NRXN1: variants seen among roughly 807,000 people sequenced by gnomAD.
NRXN1 encodes neurexin-1.
In NRXN1, 39 loss-of-function variants were observed where a neutral mutation model predicts 150.9. The ratio of observed to expected loss-of-function variants is 0.26; its 90% confidence interval spans 0.20 to 0.34. NRXN1 has a LOEUF of 0.34. Among genes scored for constraint, NRXN1 ranks in the 10% least tolerant of loss-of-function variants. The pLI is 1.00. For missense variants in NRXN1, 1,815 were observed against 1,949.9 expected, an observed-to-expected ratio of 0.93 and a Z score of 1.30; for synonymous variants, 924 against 757.0, an observed-to-expected ratio of 1.22 and a Z score of -3.62.
chr2:50,742,395 G>A (rs769700270), intron 5 of NRXN1, among the ~76,000 whole-genome samples: 5 of 151,746 alleles, frequency 3.3e-5, no homozygotes, highest in African/African-American at 4.8e-5. Context: ...GGAGGCCGAG[G>A]CAGGTGGATC....
chr2:50,106,988 T>C (rs1382239403), intron 18 of NRXN1, among the ~76,000 whole-genome samples: 1 of 151,992 alleles, frequency 6.6e-6, no homozygotes, highest in East Asian at 1.9e-4. Flanking sequence ...TTATGGAAGA[T>C]ATACGGTTAA....
At chr2:50,807,107 A>G (rs1282740249) in intron 5 of NRXN1, among the ~76,000 whole-genome samples, 1 of 151,998 alleles carries the variant, frequency 6.6e-6, no homozygotes, top group Non-Finnish European at 1.5e-5. Flanking sequence ...TGGATTAAAC[A>G]TCAAAACCTC....
At chr2:50,119,512 T>C (rs899948914) in intron 18 of NRXN1, among the ~76,000 whole-genome samples, 1 of 150,640 alleles carries the variant, frequency 6.6e-6, no homozygotes, top group Non-Finnish European at 1.5e-5. Flanking sequence ...ATTAGGGAGA[T>C]GCAAAACCTT....
chr2:50,279,143 A>T (rs965105549), intron 17 of NRXN1, among the ~76,000 whole-genome samples: 2 of 152,154 alleles, frequency 1.3e-5, no homozygotes, highest in Non-Finnish European at 2.9e-5. Context: ...CAAAATACAA[A>T]TAATGGTGTT....
At chr2:50,053,223 C>G (rs770704075) in intron 21 of NRXN1, 48 bp downstream of exon 21, 1 of 1,595,224 alleles carries the variant, frequency 6.3e-7, no homozygotes, top group Non-Finnish European at 8.6e-7. Flanking sequence ...AGCCCACTAT[C>G]ATAAATAATA....
intron 18 of NRXN1, among the ~76,000 whole-genome samples, chr2:50,226,995 G>A (rs980604156): frequency 6.6e-6 from 1 of 152,038 alleles, no homozygotes; most frequent in East Asian, 2.0e-4. Context: ...ATACTAAAGT[G>A]CACGAAATAG....
chr2:50,357,930 G>C (rs546402070), intron 17 of NRXN1, among the ~76,000 whole-genome samples: 2 of 152,084 alleles, frequency 1.3e-5, no homozygotes, highest in African/African-American at 4.8e-5. Context: ...CACGGAGAGC[G>C]AGCCAAAGCA....
At chr2:50,224,292 G>A (rs2064150337) in intron 18 of NRXN1, among the ~76,000 whole-genome samples, 1 of 151,890 alleles carries the variant, frequency 6.6e-6, no homozygotes, top group African/African-American at 2.4e-5. Flanking sequence ...TTTACTATCT[G>A]TATGATTTTG....
chr2:50,945,877 GAT>G (rs72142854), intron 2 of NRXN1, among the ~76,000 whole-genome samples: 64,157 of 138,466 alleles, frequency 0.46, 15,023 homozygotes, highest in East Asian at 0.68. Flanking sequence ...CAGAAAAACA[GAT>G]ATATATATAT....
chr2:50,304,947 G>A (rs558101002), intron 17 of NRXN1, among the ~76,000 whole-genome samples: 2 of 151,994 alleles, frequency 1.3e-5, no homozygotes, highest in Admixed American at 6.6e-5. Context: ...AAAATCAGCC[G>A]GGTGTGGTGG....
intron 17 of NRXN1, among the ~76,000 whole-genome samples, chr2:50,378,808 T>C (rs2080718888): frequency 6.6e-6 from 1 of 152,118 alleles, no homozygotes; most frequent in Admixed American, 6.6e-5. Flanking sequence ...AACAGGTAAC[T>C]TTAAGAGGGA....
Position 50,053,441 on chromosome 2 carries a change from T to C in NRXN1, c.3958A>G (p.Ile1320Val), listed in dbSNP as rs1163026860. 6.2e-7 allele frequency: 1 copy of C among 1,614,028 alleles called. No homozygotes were observed. Among genetic ancestry groups the C allele is most frequent in the East Asian group, 2.2e-5 (1 of 44,868 alleles). ...CCAACCAGTCTCACATTTCCCACTA[T>C]GGCGATGTTGGCATCGTTTTCGGCT... ...MAAENDANIA[I>V]VGNVRLVGEV... The change falls in exon 21 of 23, where the codon ATA becomes GTA. Residue 1320 changes from isoleucine to valine, a missense_variant. By Grantham distance (29) the Ile-to-Val change is conservative (BLOSUM62 3). This residue lies in a region of NRXN1 where 265 missense variants were observed against 307.1 expected (regional missense o/e 0.86). Transcript: ENST00000401669.
chr2:50,365,479 C>T (rs926357361), intron 17 of NRXN1, among the ~76,000 whole-genome samples: 5 of 151,938 alleles, frequency 3.3e-5, no homozygotes, highest in South Asian at 2.1e-4. Context: ...ACTTATATGA[C>T]GTATGTTTAA....
intron 15 of NRXN1, among the ~76,000 whole-genome samples, chr2:50,494,427 G>A (rs28631421): frequency 7.9e-5 from 12 of 152,026 alleles, no homozygotes; most frequent in Non-Finnish European, 1.5e-4. Flanking sequence ...AAAACAGGGG[G>A]CCATGAAAAA....
chr2:50,939,088 G>A (rs1688986618), intron 2 of NRXN1, among the ~76,000 whole-genome samples: 1 of 151,592 alleles, frequency 6.6e-6, no homozygotes, highest in Non-Finnish European at 1.5e-5. Context: ...GTGGACACCT[G>A]TAGTCCCAGC....
At chr2:50,466,479 T>C (rs749253492) in intron 16 of NRXN1, 9 of 472,012 alleles carry the variant, frequency 1.9e-5, no homozygotes, top group Non-Finnish European at 3.9e-5. Flanking sequence ...TCAGCTTTCA[T>C]CAATGCAACT....
chr2:50,746,401 T>A (rs562708267), intron 5 of NRXN1, among the ~76,000 whole-genome samples: 2 of 151,800 alleles, frequency 1.3e-5, no homozygotes, highest in African/African-American at 4.8e-5. Flanking sequence ...CTACAAAAAA[T>A]TTTAAAAATT....
At chr2:50,754,114 A>G (rs1236359968) in intron 5 of NRXN1, among the ~76,000 whole-genome samples, 1 of 151,916 alleles carries the variant, frequency 6.6e-6, no homozygotes, top group African/African-American at 2.4e-5. Context: ...CTATCCATTT[A>G]CAATTATTTA....
At chr2:50,344,736 G>A (rs1405178145) in intron 17 of NRXN1, among the ~76,000 whole-genome samples, 4 of 152,188 alleles carry the variant, frequency 2.6e-5, no homozygotes, top group Non-Finnish European at 5.9e-5. Context: ...CCACTCTGCG[G>A]CAGGGCCCCT....
Sources: allele counts gnomAD v4.1 joint callset (sites outside exome capture counted in the v4.1 genomes callset), GRCh38; gene constraint gnomAD v4.1.1; regional missense constraint gnomAD v4.1.1; transcripts MANE v1.5; gene names NCBI Gene and HGNC (gene_info 2026-07-23, HGNC 2026-07-21).